Variants in JMJD1C observed in about 807,000 individuals in gnomAD.
JMJD1C encodes jumonji domain containing 1C, also known as jumonji domain-containing protein 1C.
JMJD1C carries 31 observed loss-of-function variants against 245.3 expected under a neutral mutation model. The ratio of observed to expected loss-of-function variants is 0.13; its 90% CI spans 0.09 to 0.17. The LOEUF (loss-of-function observed/expected upper bound fraction) is 0.17, where lower values mean the gene tolerates loss of function less well. JMJD1C is among the 10% of genes least tolerant of loss of function. The probability of loss-of-function intolerance (pLI) is 1.00; values close to 1 mark genes in which losing one functional copy is unlikely to be tolerated. For missense variants in JMJD1C, 2,691 were observed against 3,000.2 expected (o/e 0.90, Z 2.41); for synonymous variants, 1,057 against 1,017.4 (o/e 1.04, Z -0.74).
chr10:63,411,293 A>ATT (rs58719205), intron 1 of JMJD1C, among the ~76,000 whole-genome samples: 80 of 84,532 alleles, frequency 9.5e-4, no homozygotes, highest in East Asian at 1.8e-3. Flanking sequence ...TGTGTCACTG[A>ATT]TTTTTTTTTT....
intron 24 of JMJD1C, among the ~76,000 whole-genome samples, chr10:63,168,936 T>C (rs1320919925): frequency 6.6e-6 from 1 of 152,228 alleles, no homozygotes; most frequent in African/African-American, 2.4e-5. Flanking sequence ...TATCTGAGTA[T>C]GTTTATTGTT....
At chr10:63,276,607 G>C (rs1049454648) in intron 2 of JMJD1C, among the ~76,000 whole-genome samples, 4 of 152,262 alleles carry the variant, frequency 2.6e-5, no homozygotes, top group African/African-American at 9.6e-5. Flanking sequence ...GGGGATTACA[G>C]GTGCCCACCA....
chr10:63,298,587 C>G lies in JMJD1C; in HGVS notation c.334-33823G>C, dbSNP rs1859701561. Among the ~76,000 whole-genome samples, 2 of 152,150 alleles carry G rather than the reference C, an allele frequency of 1.3e-5. 1 individual carries two copies. Among genetic ancestry groups the G allele is most frequent in the South Asian group, 4.1e-4 (2 of 4,832 alleles). On this transcript the variant is annotated intron_variant, in intron 2 of 25. Transcript: ENST00000399262. ...CTTAATTTGATTATATCTTCAAAAA[C>G]CCTATTTCTTAAGGTTATATTCACA...
At chr10:63,319,719 A>G (rs1589466890) in intron 2 of JMJD1C, among the ~76,000 whole-genome samples, 1 of 152,008 alleles carries the variant, frequency 6.6e-6, no homozygotes, top group African/African-American at 2.4e-5. Context: ...TCCAATTAAC[A>G]ATTTTGTTCT....
chr10:63,450,357 T>C (rs557317522), intron 1 of JMJD1C, among the ~76,000 whole-genome samples: 1 of 152,108 alleles, frequency 6.6e-6, no homozygotes, highest in East Asian at 1.9e-4. Context: ...CACAGCAGCA[T>C]TATTACCATA....
At chr10:63,291,028 T>C (rs965352706) in intron 2 of JMJD1C, among the ~76,000 whole-genome samples, 45 of 152,212 alleles carry the variant, frequency 3.0e-4, no homozygotes, top group African/African-American at 1.0e-3. Context: ...GGGCTTGGGC[T>C]GGGCGCAGTG....
intron 16 of JMJD1C, among the ~76,000 whole-genome samples, chr10:63,191,985 A>G (rs1380398507): frequency 7.1e-5 from 1 of 14,142 alleles, no homozygotes; most frequent in East Asian, 7.2e-3. Context: ...CTCTGTCTCA[A>G]AAAAAAAAAA....
chr10:63,457,722 G>T (rs1952504880), intron 1 of JMJD1C, among the ~76,000 whole-genome samples: 1 of 152,212 alleles, frequency 6.6e-6, no homozygotes, highest in Admixed American at 6.5e-5. Context: ...TTTTTACTTT[G>T]AGAGTCTGTG....
At chr10:63,276,291 C>A (rs1012379103) in intron 2 of JMJD1C, among the ~76,000 whole-genome samples, 1 of 151,924 alleles carries the variant, frequency 6.6e-6, no homozygotes, top group South Asian at 2.1e-4. Flanking sequence ...ACGGTGAAAC[C>A]CCGTCTCTAC....
chr10:63,467,044 T>G (rs912631067), upstream of JMJD1C, among the ~76,000 whole-genome samples: 2 of 152,074 alleles, frequency 1.3e-5, no homozygotes, highest in Admixed American at 6.5e-5. Context: ...ACAGTAGTAA[T>G]CTGAATGTTT....
intron 1 of JMJD1C, among the ~76,000 whole-genome samples, chr10:63,405,080 T>C (rs886257377): frequency 6.6e-6 from 1 of 152,328 alleles, no homozygotes; most frequent in African/African-American, 2.4e-5. Context: ...CTTATAAAAA[T>C]ACTACCATCA....
intron 1 of JMJD1C, among the ~76,000 whole-genome samples, chr10:63,461,993 T>C (rs1952829939): frequency 1.3e-5 from 2 of 152,160 alleles, no homozygotes; most frequent in African/African-American, 4.8e-5. Context: ...CCTTAAACTA[T>C]CAATTTTCTA....
At chr10:63,210,009 T>C (rs1008396049) in intron 8 of JMJD1C, among the ~76,000 whole-genome samples, 5 of 152,324 alleles carry the variant, frequency 3.3e-5, no homozygotes, top group African/African-American at 9.6e-5. Context: ...CAACCTCCTT[T>C]GTATTTTCTC....
At chr10:63,330,056 A>T (rs1024838057) in intron 2 of JMJD1C, among the ~76,000 whole-genome samples, 4 of 152,094 alleles carry the variant, frequency 2.6e-5, no homozygotes, top group Admixed American at 2.0e-4. Flanking sequence ...ATGCGCCACC[A>T]CGCCCGGCTA....
intron 1 of JMJD1C, chr10:63,521,595 C>A: frequency 7.1e-7 from 1 of 1,401,298 alleles, no homozygotes. Context: ...CCTCTCACTG[C>A]GCCCTGCAGC....
In JMJD1C at chr10:63,214,215, T is replaced by A; in HGVS notation, c.1952A>T (p.His651Leu). 1 of 1,613,984 alleles carries A rather than the reference T, an allele frequency of 6.2e-7. No individual in the cohort carries two copies. The highest frequency in any genetic ancestry group is 2.2e-5 in the East Asian group (1 of 44,866). ...SPEVVKPKITHSPDSVKSKAT... is the reference protein window; with the variant it reads ...SPEVVKPKITLSPDSVKSKAT... ...CTTAGACTTTACAGAATCAGGAGAA[T>A]GAGTTATTTTGGGTTTAACAACTTC... The change falls in exon 8 of 26, where the codon CAT becomes CTT. Residue 651 changes from histidine (H) to leucine (L), a missense_variant. Coordinates refer to ENST00000399262, the MANE Select transcript of JMJD1C (RefSeq NM_032776.3).
chr10:63,414,293 G>T (rs917096286), intron 1 of JMJD1C, among the ~76,000 whole-genome samples: 15 of 152,054 alleles, frequency 9.9e-5, no homozygotes, highest in African/African-American at 1.4e-4. Flanking sequence ...CCAATACTGT[G>T]TATTTTCTAG....
At chr10:63,178,480 G>T (rs542047691) in intron 22 of JMJD1C, among the ~76,000 whole-genome samples, 1 of 152,154 alleles carries the variant, frequency 6.6e-6, no homozygotes, top group African/African-American at 2.4e-5. Flanking sequence ...ACTTACAAAG[G>T]TCTTTTATGC....
intron 2 of JMJD1C, among the ~76,000 whole-genome samples, chr10:63,326,911 G>A (rs1377286470): frequency 6.6e-6 from 1 of 152,110 alleles, no homozygotes; most frequent in Admixed American, 6.5e-5. Context: ...CAGGGGCTGG[G>A]CATGGTGGCT....
Sources: gnomAD v4.1 joint callset for allele counts (sites outside exome capture counted in the v4.1 genomes callset) on GRCh38, gnomAD v4.1.1 for gene constraint, MANE v1.5 for transcripts, NCBI Gene and HGNC (gene_info 2026-07-23, HGNC 2026-07-21) for gene names.